The following MROH7 variants were observed in gnomAD, a reference collection of about 807,000 sequenced individuals.
The protein encoded by MROH7 is maestro heat-like repeat-containing protein family member 7.
A neutral mutation model predicts 129.2 loss-of-function variants in MROH7; 113 were observed. The ratio of observed to expected loss-of-function variants is 0.87; its 90% CI spans 0.75 to 1.02. The LOEUF is 1.02. Ranked by LOEUF, MROH7 falls within the 50% of genes least tolerant of loss-of-function variation. The pLI, the probability that MROH7 is intolerant of heterozygous loss-of-function variation, is 0.00. For missense variants in MROH7, 1,601 were observed against 1,671.3 expected (o/e 0.96, Z 0.73); for synonymous variants, 655 against 667.9 (o/e 0.98, Z 0.30).
intron 1 of MROH7, chr1:54,651,354 T>G (rs866065628): frequency 1.3e-5 from 2 of 152,202 alleles, no homozygotes; most frequent in Non-Finnish European, 2.9e-5. Context: ...GCCTGAGAAC[T>G]TTCAGGTGGC....
At chr1:54,681,920 C>T (rs1049761185) in intron 13 of MROH7, among the ~76,000 whole-genome samples, 3 of 152,274 alleles carry the variant, frequency 2.0e-5, no homozygotes, top group African/African-American at 4.8e-5. Context: ...GTAATTTCAC[C>T]TCTCTGAGCC....
At position 54,702,035 on chromosome 1, in the gene MROH7, G is replaced by A. The variant is rs76488957; in HGVS notation, c.3286-55G>A. On this transcript the variant is annotated intron_variant, in intron 19 of 23. Transcript: ENST00000421030. The stretch of plus-strand genomic sequence containing the variant: ...GAGGAACAATGGCTCTGAATCAGCC[G>A]CAGTGAGTGGCGTCCCAGAGGAGGG... 2.0e-3 allele frequency: 2,873 copies of A among 1,440,156 alleles called. 42 individuals are homozygous for A. The African/African-American group carries it at 0.035, about 17-fold the overall frequency. The allele number at this position is 1,440,156 out of a possible 1,614,324, so 89.2% of individuals were successfully genotyped here.
At chr1:54,694,575 T>A (rs982681642) in intron 16 of MROH7, among the ~76,000 whole-genome samples, 4 of 152,216 alleles carry the variant, frequency 2.6e-5, no homozygotes, top group Admixed American at 1.3e-4. Flanking sequence ...TAAGTGATTC[T>A]CCTGCCTCAA....
chr1:54,692,286 T>A, intron 15 of MROH7, 138 bp from the exon 16 acceptor site: 1 of 1,067,098 alleles, frequency 9.4e-7, no homozygotes, highest in Non-Finnish European at 1.4e-6. Context: ...CCACCCTTTG[T>A]GGATACACTG....
intron 4 of MROH7, 148 bp from the exon 5 acceptor site, chr1:54,668,706 C>T (rs627095): frequency 0.79 from 480,515 of 607,376 alleles, 192,518 homozygotes; most frequent in East Asian, 1. Context: ...CCACCCCAAG[C>T]TCCCCTTGTG....
intron 14 of MROH7, 150 bp from the exon 15 acceptor site, chr1:54,686,108 C>CT (rs1645142557): frequency 1.6e-6 from 1 of 625,464 alleles, no homozygotes; most frequent in African/African-American, 1.9e-5. Context: ...AGGTTTGGGG[C>CT]TGGGGGGTGG....
chr1:54,651,368 C>G (rs917102575), intron 1 of MROH7: 2 of 152,208 alleles, frequency 1.3e-5, no homozygotes, highest in Non-Finnish European at 2.9e-5. Context: ...AGGTGGCCCC[C>G]ACCTGTCTAG....
intron 10 of MROH7, among the ~76,000 whole-genome samples, chr1:54,677,711 G>A (rs75883359): frequency 0.015 from 2,242 of 152,278 alleles, 24 homozygotes; most frequent in Non-Finnish European, 0.022. Flanking sequence ...ATCCAGGTAG[G>A]ACCCAAGGTG....
chr1:54,645,155 C>G (rs1449662430), intron 1 of MROH7, among the ~76,000 whole-genome samples: 1 of 152,106 alleles, frequency 6.6e-6, no homozygotes, highest in East Asian at 1.9e-4. Flanking sequence ...TCAAAAATTC[C>G]AACATCTGAT....
At chr1:54,671,004 G>C (rs1331176791) in intron 7 of MROH7, 75 bp downstream of exon 7, 1 of 1,469,820 alleles carries the variant, frequency 6.8e-7, no homozygotes, top group East Asian at 2.5e-5. Flanking sequence ...TGCATCCTCC[G>C]GCTCATTGGT....
chr1:54,663,992 A>G (rs1644774620), intron 3 of MROH7: 2 of 324,554 alleles, frequency 6.2e-6, no homozygotes, highest in Admixed American at 4.5e-5. Context: ...AGAAGGAGAA[A>G]GATCCTCTCT....
In MROH7 at chr1:54,709,904, C is replaced by T. The variant is rs531537685; in HGVS notation, c.3731-42C>T. ...ATTAGGTATGAGACCCACATAGGGCCCTGGGTCTTAATAGGAGGCTTCTCC... is the reference window on the plus strand; with the variant it reads ...ATTAGGTATGAGACCCACATAGGGCTCTGGGTCTTAATAGGAGGCTTCTCC... On this transcript the variant is annotated intron_variant, in intron 23 of 23. Transcript: ENST00000421030. The T allele has an allele frequency of 3.8e-6, 6 of 1,595,664 alleles. No homozygotes were observed. In the African/African-American group the frequency reaches 6.7e-5, roughly 18 times the overall value.
chr1:54,670,687 C>CCCT, intron 6 of MROH7, 111 bp downstream of exon 6: 1 of 1,411,664 alleles, frequency 7.1e-7, no homozygotes. Context: ...ACCCCTCGCC[C>CCCT]GGTGCCTTTT....
chr1:54,684,360 A>C (rs749305476), intron 14 of MROH7, among the ~76,000 whole-genome samples: 1 of 151,936 alleles, frequency 6.6e-6, no homozygotes, highest in Admixed American at 6.6e-5. Context: ...TCACTCCCAT[A>C]TATCTCTCTG....
At position 54,653,236 on chromosome 1, in the gene MROH7, G is replaced by A; in HGVS notation, c.310G>A (p.Ala104Thr). 2 of 1,614,184 alleles carry A rather than the reference G, an allele frequency of 1.2e-6. No homozygotes were observed. Among genetic ancestry groups the A allele is most frequent in the South Asian group, 2.2e-5 (2 of 91,086 alleles). The change falls in exon 3 of 24, where the codon GCC becomes ACC. Residue 104 changes from alanine to threonine, a missense_variant. Physicochemically the swap from Ala to Thr is moderately conservative, Grantham distance 58 (BLOSUM62 0). Coordinates refer to ENST00000421030, the MANE Select transcript of MROH7 (RefSeq NM_001039464.4). ...GATCACCAGTTCTTGTTCTGGTGAAGCCCTGGACCTGGATTCCAAGGATGT... is the reference window on the plus strand; with the variant it reads ...GATCACCAGTTCTTGTTCTGGTGAAACCCTGGACCTGGATTCCAAGGATGT... ...LQITSSCSGEALDLDSKDVSR... is the reference protein window; with the variant it reads ...LQITSSCSGETLDLDSKDVSR...
At chr1:54,660,855 A>G (rs922578610) in intron 3 of MROH7, among the ~76,000 whole-genome samples, 1 of 152,092 alleles carries the variant, frequency 6.6e-6, no homozygotes, top group African/African-American at 2.4e-5. Context: ...GAAAAATAAA[A>G]AATCATAGTC....
intron 15 of MROH7, among the ~76,000 whole-genome samples, chr1:54,690,637 A>G (rs985739043): frequency 1.6e-4 from 24 of 151,988 alleles, no homozygotes; most frequent in African/African-American, 3.4e-4. Flanking sequence ...TAGAGACAGG[A>G]TTTCACCATG....
chr1:54,675,765 A>T (rs1460659212), intron 10 of MROH7, among the ~76,000 whole-genome samples: 11 of 149,944 alleles, frequency 7.3e-5, no homozygotes, highest in Admixed American at 7.3e-4. Flanking sequence ...GCCTGGCTAA[A>T]TTTTTTTTGT....
At position 54,701,208 on chromosome 1, in the gene MROH7, G is replaced by A. The variant is rs199539415; in HGVS notation, c.3171G>A (p.Leu1057=). ...VKGLKNMDGM[L]VVEAVHNLKA... ...GCCTGAAGAACATGGATGGGATGCTGGTGGTGGAAGCGGTCCACAACCTCA... is the reference window on the plus strand; with the variant it reads ...GCCTGAAGAACATGGATGGGATGCTAGTGGTGGAAGCGGTCCACAACCTCA... Residue 1057 remains leucine (L), a synonymous_variant, in exon 19 of 24, where the codon CTG becomes CTA. Transcript: ENST00000421030. 1.1e-5 allele frequency: 18 copies of A among 1,614,108 alleles called. No homozygotes were observed. Among genetic ancestry groups the A allele is most frequent in the Non-Finnish European group, 1.4e-5 (17 of 1,180,042 alleles).
Sources: gnomAD v4.1 joint callset for allele counts (sites outside exome capture counted in the v4.1 genomes callset) on GRCh38, gnomAD v4.1.1 for gene constraint, MANE v1.5 for transcripts, NCBI Gene and HGNC (gene_info 2026-07-23, HGNC 2026-07-21) for gene names.